The following PTK2 variants were observed in gnomAD, a reference collection of about 807,000 sequenced individuals.
The protein encoded by PTK2 is protein tyrosine kinase 2.
A neutral mutation model predicts 150.1 loss-of-function variants in PTK2; 45 were observed. That is an observed-to-expected ratio of 0.30 (90% CI 0.24 to 0.38). The LOEUF is 0.38. Among genes scored for constraint, PTK2 ranks in the 10% least tolerant of loss-of-function variants. The pLI is 1.00. For missense variants in PTK2, 919 were observed against 1,307.3 expected (o/e 0.70, Z 4.58); for synonymous variants, 432 against 449.2 (o/e 0.96, Z 0.48).
chr8:140,663,495 C>T (rs980259903), intron 31 of PTK2, among the ~76,000 whole-genome samples: 8 of 152,162 alleles, frequency 5.3e-5, no homozygotes, highest in East Asian at 1.9e-4. Flanking sequence ...GTAGTGGGGA[C>T]GCATCCCACA....
intron 9 of PTK2, 66 bp downstream of exon 9, chr8:140,818,814 A>G: frequency 6.6e-7 from 1 of 1,507,642 alleles, no homozygotes; most frequent in Non-Finnish European, 8.9e-7. Flanking sequence ...AAATTTAGAT[A>G]TACAGCAAGA....
At chr8:140,877,905 G>T (rs1326994351) in intron 4 of PTK2, among the ~76,000 whole-genome samples, 1 of 151,972 alleles carries the variant, frequency 6.6e-6, no homozygotes, top group Non-Finnish European at 1.5e-5. Flanking sequence ...GAGCACTAAG[G>T]ATTTCATTAT....
In PTK2 at chr8:140,700,562, C is replaced by A. The variant is rs192867652; in HGVS notation, c.2499+329G>T. Among the ~76,000 whole-genome samples, 285 of 151,864 alleles carry A rather than the reference C, an allele frequency of 1.9e-3. 2 individuals are homozygous for A. The highest frequency in any genetic ancestry group is 3.5e-3 in the South Asian group (17 of 4,794). Reference sequence around the variant, plus strand: ...GCAATGGCATGATCTCGGCTCACTGCAACCTCCACCTCCTGGGTTCAGGCG... The same window carrying A: ...GCAATGGCATGATCTCGGCTCACTGAAACCTCCACCTCCTGGGTTCAGGCG... On this transcript the variant is annotated intron_variant, in intron 26 of 31. Coordinates refer to ENST00000522684, the Ensembl canonical transcript of PTK2.
rs1187844174 is a variant in PTK2, at chr8:140,762,408, GA to G, written c.1235-1147del. On this transcript the variant is annotated intron_variant, in intron 15 of 31. Coordinates refer to ENST00000522684, the Ensembl canonical transcript of PTK2. ...AGCTTTCTGTATTGCAATTAAGAGAGAAAAAAATTGAAGACCTTGCTTAGAA... is the reference window on the plus strand; with the variant it reads ...AGCTTTCTGTATTGCAATTAAGAGAGAAAAAATTGAAGACCTTGCTTAGAA... 2 of 1,125,710 alleles carry G rather than the reference GA, an allele frequency of 1.8e-6. No homozygotes were observed. The highest frequency in any genetic ancestry group is 2.2e-6 in the Non-Finnish European group (2 of 906,886). The allele number at this position is 1,125,710 out of a possible 1,614,324, so 69.7% of individuals were successfully genotyped here.
chr8:140,977,024 G>C (rs2100189492), intron 1 of PTK2, among the ~76,000 whole-genome samples: 1 of 152,160 alleles, frequency 6.6e-6, no homozygotes, highest in Non-Finnish European at 1.5e-5. Flanking sequence ...AATAAATCAT[G>C]AATCATCAAA....
intron 5 of PTK2, 107 bp from the exon 6 acceptor site, chr8:140,846,785 T>A (rs2100125782): frequency 1.4e-6 from 1 of 724,266 alleles, no homozygotes; most frequent in Non-Finnish European, 2.2e-6. Flanking sequence ...TTACATTATG[T>A]CGGTAATTAC....
At chr8:140,951,998 T>A (rs2100179706) in intron 1 of PTK2, among the ~76,000 whole-genome samples, 2 of 152,152 alleles carry the variant, frequency 1.3e-5, no homozygotes, top group Non-Finnish European at 2.9e-5. Flanking sequence ...TAGACTTTCG[T>A]TTCCCAGCAC....
intron 12 of PTK2, among the ~76,000 whole-genome samples, chr8:140,799,548 T>G (rs1288714277): frequency 6.6e-6 from 1 of 152,210 alleles, no homozygotes; most frequent in Non-Finnish European, 1.5e-5. Flanking sequence ...AAAATAGGTA[T>G]CATTCTTTTA....
At chr8:140,770,779 T>G (rs1228318658) in intron 14 of PTK2, 2 of 1,342,452 alleles carry the variant, frequency 1.5e-6, no homozygotes, top group Non-Finnish European at 2.0e-6. Flanking sequence ...TTCTTAACTT[T>G]ATGTTGGCAG....
chr8:140,684,274 T>G (rs948739002), intron 27 of PTK2, among the ~76,000 whole-genome samples: 1 of 152,200 alleles, frequency 6.6e-6, no homozygotes, highest in African/African-American at 2.4e-5. Flanking sequence ...CATCAGGCAT[T>G]AGAGTCTCAT....
intron 10 of PTK2, among the ~76,000 whole-genome samples, chr8:140,814,271 T>C (rs903296730): frequency 6.6e-6 from 1 of 152,096 alleles, no homozygotes; most frequent in Non-Finnish European, 1.5e-5. Flanking sequence ...TCCAATAAAC[T>C]GAAAAGGAGG....
chr8:140,775,360 T>C (rs1331613884), intron 14 of PTK2, among the ~76,000 whole-genome samples: 1 of 152,040 alleles, frequency 6.6e-6, no homozygotes, highest in East Asian at 1.9e-4. Flanking sequence ...TGGTGTGTGC[T>C]TGTAGTCATA....
intron 12 of PTK2, among the ~76,000 whole-genome samples, chr8:140,800,234 C>A (rs1445636111): frequency 1.3e-5 from 2 of 152,004 alleles, no homozygotes; most frequent in African/African-American, 4.8e-5. Context: ...AAAACACAGA[C>A]AATGTTTTTT....
At chr8:140,933,032 G>A (rs2100172437) in intron 1 of PTK2, among the ~76,000 whole-genome samples, 1 of 152,114 alleles carries the variant, frequency 6.6e-6, no homozygotes, top group East Asian at 1.9e-4. Context: ...TGTATTTTCA[G>A]TAGAGATGGG....
At chr8:140,682,485 G>A (rs972541687) in intron 27 of PTK2, among the ~76,000 whole-genome samples, 5 of 152,068 alleles carry the variant, frequency 3.3e-5, no homozygotes, top group African/African-American at 7.2e-5. Flanking sequence ...GCTGAGAAGT[G>A]ATGTACATAT....
chr8:140,914,421 T>G (rs1355609329), intron 2 of PTK2, among the ~76,000 whole-genome samples: 1 of 48,680 alleles, frequency 2.1e-5, no homozygotes, highest in Non-Finnish European at 7.3e-5. Context: ...AGTTTTGGGT[T>G]TTTTTTTTTT....
At chr8:140,953,970 AT>A (rs34475974) in intron 1 of PTK2, among the ~76,000 whole-genome samples, 64,794 of 144,702 alleles carry the variant, frequency 0.45, 15,039 homozygotes, top group Non-Finnish European at 0.55. Context: ...GCTGGTCTGA[AT>A]TTTTTTTTTT....
At chr8:141,001,769 G>C (rs1330784404), upstream of PTK2, among the ~76,000 whole-genome samples, 2 of 152,354 alleles carry the variant, frequency 1.3e-5, no homozygotes, top group Middle Eastern at 3.4e-3. Flanking sequence ...CCCGGGCCTT[G>C]CAGTGCACTC....
intron 1 of PTK2, among the ~76,000 whole-genome samples, chr8:140,960,253 C>T (rs2100182694): frequency 8.0e-6 from 1 of 124,390 alleles, no homozygotes. Flanking sequence ...GGCTGGAGCG[C>T]AATGGCACGA....
Sources: allele counts gnomAD v4.1 joint callset (sites outside exome capture counted in the v4.1 genomes callset), GRCh38; gene constraint gnomAD v4.1.1; transcripts MANE v1.5; gene names NCBI Gene and HGNC (gene_info 2026-07-23, HGNC 2026-07-21).